The following RRP9 variants were observed in gnomAD, a reference collection of about 807,000 sequenced individuals.
RRP9 encodes U3 small nucleolar RNA-interacting protein 2.
Under a neutral mutation model 65.5 loss-of-function variants are expected in RRP9, and 35 were observed. The observed-to-expected ratio is 0.53, with a 90% CI of 0.41 to 0.71. RRP9 has a LOEUF of 0.71. RRP9 is among the 30% of genes least tolerant of loss of function. RRP9 has a pLI of 0.00. For synonymous variants in RRP9, 254 were observed against 245.0 expected (o/e 1.04, Z -0.34); for missense variants, 533 against 633.6 (o/e 0.84, Z 1.70).
chr3:51,933,578 G>C lies in RRP9; in HGVS notation c.1356C>G (p.Ile452Met), dbSNP rs1699415226. 6.2e-7 allele frequency: 1 copy of C among 1,614,108 alleles called. No individual in the cohort carries two copies. Among genetic ancestry groups the C allele is most frequent in the Non-Finnish European group, 8.5e-7 (1 of 1,179,992 alleles). ...QEHRLGRWWRIKEARNSVCII... is the reference protein window; with the variant it reads ...QEHRLGRWWRMKEARNSVCII... The stretch of plus-strand genomic sequence containing the variant: ...TGCAGACAGAATTCCGAGCCTCTTT[G>C]ATTCTCCACCATCGGCCAAGCCTGC... The change falls in exon 15 of 15, where the codon ATC (isoleucine) becomes ATG (methionine). Residue 452 changes from isoleucine to methionine, a missense_variant. This residue lies in a region of RRP9 where 449 missense variants were observed against 550.6 expected (regional missense o/e 0.82). Coordinates refer to ENST00000232888, the MANE Select transcript of RRP9 (RefSeq NM_004704.5).
chr3:51,936,550 C>A lies in RRP9; in HGVS notation c.523G>T (p.Val175Leu), dbSNP rs759528694. 1.2e-6 allele frequency: 2 copies of A among 1,613,922 alleles called. No individual in the cohort carries two copies. Among genetic ancestry groups the A allele is most frequent in the Non-Finnish European group, 1.7e-6 (2 of 1,179,964 alleles). The change falls in exon 7 of 15, where the codon GTG (valine) becomes TTG (leucine). Residue 175 changes from valine (V) to leucine (L), a missense_variant. Transcript: ENST00000232888. ...ACATGCAGCTTCCGTCCACTCTCCA[C>A]GCTCCCTGCAGTTGGGGGTGGGGGA... ...AKDCSIIKWS[V>L]ESGRKLHVIP... is the part of the protein sequence containing the mutation.
At position 51,934,487 on chromosome 3, in the gene RRP9, G is replaced by C; in HGVS notation, c.1245C>G (p.Leu415=). Reference sequence around the variant, plus strand: ...ACTCACTCACCAGGGGGATGTCACAGAGAAGGTCAAGCTGCCGGAAGCCTT... The same window carrying C: ...ACTCACTCACCAGGGGGATGTCACACAGAAGGTCAAGCTGCCGGAAGCCTT... ...CGEGFRQLDL[L]CDIPLVGFIN... is the part of the protein sequence containing the mutation. The change falls in exon 13 of 15, where the codon CTC becomes CTG. Residue 415 remains leucine (L), a synonymous_variant. Transcript: ENST00000232888. This position sits in a 1 kb window ranked among gnomAD's most constrained non-coding sequence, Gnocchi z 4.1. 1.9e-6 allele frequency: 3 copies of C among 1,613,834 alleles called. No individual in the cohort carries two copies. The highest frequency in any genetic ancestry group is 2.5e-6 in the Non-Finnish European group (3 of 1,179,802).
rs747187591 is a variant in RRP9, at chr3:51,937,621, C to G, written c.349-35G>C. On this transcript the variant is annotated intron_variant, in intron 4 of 14. Coordinates refer to ENST00000232888, the MANE Select transcript of RRP9 (RefSeq NM_004704.5). This position sits in a 1 kb window ranked among gnomAD's most constrained non-coding sequence, Gnocchi z 5.0. ...GAAGAGATGGATGAGACCCTGGGAG[C>G]AGATCAGCTCCACCCCCGTCCTCCC... 6.2e-7 allele frequency: 1 copy of G among 1,614,198 alleles called. No individual in the cohort carries two copies. The highest frequency in any genetic ancestry group is 8.5e-7 in the Non-Finnish European group (1 of 1,180,030).
intron 8 of RRP9, among the ~76,000 whole-genome samples, chr3:51,936,032 C>T (rs879696532): frequency 3.3e-5 from 5 of 152,264 alleles, no homozygotes; most frequent in South Asian, 2.1e-4. Flanking sequence ...CGCCCAGAGG[C>T]GGCTTCTCAA....
At chr3:51,940,979 C>T (rs771205761) in intron 2 of RRP9, among the ~76,000 whole-genome samples, 1 of 152,238 alleles carries the variant, frequency 6.6e-6, no homozygotes, top group Non-Finnish European at 1.5e-5. Context: ...AAAATACACA[C>T]CTCACTACAA....
In RRP9 at chr3:51,934,016, T is replaced by C. The variant is rs187866827; in HGVS notation, c.1261-235A>G. On this transcript the variant is annotated intron_variant, in intron 13 of 14. Transcript: ENST00000232888. The surrounding 1 kb of genome is among the most constrained non-coding windows in gnomAD (Gnocchi z 4.1). The stretch of plus-strand genomic sequence containing the variant: ...GAGTTTGTGAGGATGAAGGAGGCAG[T>C]GTACACCCAGTATGGCCTGAGGCTG... Among the ~76,000 whole-genome samples the C allele has an allele frequency of 3.6e-4, 55 of 152,262 alleles. No individual in the cohort carries two copies. In the Middle Eastern group the frequency reaches 0.01, roughly 28 times the overall value.
At chr3:51,940,297 A>G (rs1432706893) in intron 2 of RRP9, among the ~76,000 whole-genome samples, 1 of 152,108 alleles carries the variant, frequency 6.6e-6, no homozygotes, top group East Asian at 1.9e-4. Context: ...TGAGCAAATT[A>G]AGGCAACACA....
At position 51,934,832 on chromosome 3, in the gene RRP9, T is replaced by G; in HGVS notation, c.1035-56A>C. 6.4e-7 allele frequency: 1 copy of G among 1,562,702 alleles called. No homozygotes were observed. Among genetic ancestry groups the G allele is most frequent in the Non-Finnish European group, 8.7e-7 (1 of 1,146,738 alleles). On this transcript the variant is annotated intron_variant, in intron 11 of 14. Coordinates refer to ENST00000232888, the MANE Select transcript of RRP9 (RefSeq NM_004704.5). The surrounding 1 kb of genome is among the most constrained non-coding windows in gnomAD (Gnocchi z 4.1). Reference sequence around the variant, plus strand: ...GGGGCCAGAGGCAGAAAAGGCCCCCTGTGTAACACAAAGGATTAATGCTTG... The same window carrying G: ...GGGGCCAGAGGCAGAAAAGGCCCCCGGTGTAACACAAAGGATTAATGCTTG...
rs1258958736 is a variant in RRP9, at chr3:51,941,559, C to CCG, written c.88-69_88-68insCG. The CCG allele has an allele frequency of 4.9e-6, 7 of 1,432,426 alleles. No homozygotes were observed. The African/African-American group carries it at 9.9e-5, about 20-fold the overall frequency. The allele number at this position is 1,432,426 out of a possible 1,614,324, so 88.7% of individuals were successfully genotyped here. On this transcript the variant is annotated intron_variant, in intron 1 of 14. Transcript: ENST00000232888. ...ACCCTGGCATTGACCAAGGGCCCCC[C>CCG]CCCCTCGGTTCCCTCAGAACCCCAG...
At chr3:51,935,096 G>C (rs11709032) in intron 11 of RRP9, 101 bp downstream of exon 11, 130 of 1,271,144 alleles carry the variant, frequency 1.0e-4, no homozygotes, top group Non-Finnish European at 1.4e-4. Flanking sequence ...GGTTACAACA[G>C]CTCCCCCACT....
In RRP9 at chr3:51,936,435, T is replaced by C. The variant is rs766200753; in HGVS notation, c.638A>G (p.Tyr213Cys). The change falls in exon 7 of 15, where the codon TAC becomes TGC. Residue 213 changes from tyrosine to cysteine, a missense_variant. Physicochemically the swap from Tyr to Cys is radical, Grantham distance 194. Around this residue, in one of 3 missense-constraint regions of RRP9, gnomAD observed 449 missense variants for 550.6 expected, o/e 0.82. Coordinates refer to ENST00000232888, the MANE Select transcript of RRP9 (RefSeq NM_004704.5). The stretch of plus-strand genomic sequence containing the variant: ...CCAGGGCCAACCTGGCCTTACAAGG[T>C]ACTTGCCGTCGGAGGAGATGGCCAT... ...LCMAISSDGK[Y>C]LASGDRSKLI... The C allele has an allele frequency of 1.9e-6, 3 of 1,614,214 alleles. No individual in the cohort carries two copies. Among genetic ancestry groups the C allele is most frequent in the Non-Finnish European group, 2.5e-6 (3 of 1,180,030 alleles).
chr3:51,941,560 C>CCT, intron 1 of RRP9, 69 bp from the exon 2 acceptor site: 2 of 1,415,354 alleles, frequency 1.4e-6, no homozygotes, highest in African/African-American at 2.8e-5. Context: ...AGGGCCCCCC[C>CCT]CCCTCGGTTC....
chr3:51,936,782 G>A (rs1468013561), intron 6 of RRP9, among the ~76,000 whole-genome samples: 1 of 152,328 alleles, frequency 6.6e-6, no homozygotes, highest in East Asian at 1.9e-4. Flanking sequence ...AAAGAGAAGG[G>A]ATGTAAAAGG....
chr3:51,941,896 G>C lies in RRP9; in HGVS notation c.-29C>G. On this transcript the variant is annotated 5_prime_UTR_variant, in exon 1 of 15. Coordinates refer to ENST00000232888, the MANE Select transcript of RRP9 (RefSeq NM_004704.5). ...GCCCACCAGGCGTGTAGCAGCGGCC[G>C]CAGAACTCACGTGGCAGCTGAACCC... 6.5e-7 allele frequency: 1 copy of C among 1,545,008 alleles called. No homozygotes were observed. The highest frequency in any genetic ancestry group is 1.2e-5 in the South Asian group (1 of 84,698).
rs749582379 is a variant in RRP9 at position 51,938,149 on chromosome 3, G to T, written c.226C>A (p.Gln76Lys). ...TTGGCCAAGCGCAGCTTCTTTTCCTGTGCAGTTTCCTCCAGCTCCTCCTCC... is the reference window on the plus strand; with the variant it reads ...TTGGCCAAGCGCAGCTTCTTTTCCTTTGCAGTTTCCTCCAGCTCCTCCTCC... ...EEEEELEETA[Q>K]EKKLRLAKLY... Residue 76 changes from glutamine to lysine, a missense_variant, in exon 3 of 15, where the codon CAG (glutamine) becomes AAG (lysine). Transcript: ENST00000232888. 1.2e-6 allele frequency: 2 copies of T among 1,605,534 alleles called. No individual in the cohort carries two copies. The highest frequency in any genetic ancestry group is 2.2e-5 in the South Asian group (2 of 90,258).
Position 51,937,967 on chromosome 3 carries a change from C to T in RRP9, c.280+128G>A. ...CTGGCCACCCCCACAGGGCAGCCAG[C>T]ACTGACAGCCTGGGCACCCACTGGG... On this transcript the variant is annotated intron_variant, in intron 3 of 14. Coordinates refer to ENST00000232888, the MANE Select transcript of RRP9 (RefSeq NM_004704.5). The surrounding 1 kb of genome is among the most constrained non-coding windows in gnomAD (Gnocchi z 5.0). The T allele has an allele frequency of 1.0e-6, 1 of 969,452 alleles. No individual in the cohort carries two copies. Among genetic ancestry groups the T allele is most frequent in the Non-Finnish European group, 1.5e-6 (1 of 649,774 alleles). 60.1% of individuals were successfully genotyped at this position (969,452 alleles called of 1,614,324 possible).
In RRP9 at chr3:51,935,313, G is replaced by GC. The variant is rs200150039; in HGVS notation, c.971+28dup. On this transcript the variant is annotated intron_variant, in intron 10 of 14. Transcript: ENST00000232888. ...CCCAAGCCCACCCCCAGCCCATGTA[G>GC]CCCCCACTGGCATGGCAGGCCACCT... The GC allele has an allele frequency of 5.8e-3, 9,353 of 1,614,088 alleles. 203 individuals carry two copies. The highest frequency in any genetic ancestry group is 3.7e-3 in the Non-Finnish European group (4,377 of 1,179,966).
At chr3:51,935,048 C>T in intron 11 of RRP9, 149 bp downstream of exon 11, 1 of 874,250 alleles carries the variant, frequency 1.1e-6, no homozygotes. Flanking sequence ...ACAAGGCCAT[C>T]TGAGCTCTCT....
In RRP9 at chr3:51,937,817, A is replaced by G; in HGVS notation, c.281-81T>C. The G allele has an allele frequency of 1.3e-6, 2 of 1,523,374 alleles. No homozygotes were observed. Among genetic ancestry groups the G allele is most frequent in the Non-Finnish European group, 1.8e-6 (2 of 1,108,472 alleles). 94.4% of individuals were successfully genotyped at this position (1,523,374 alleles called of 1,614,324 possible). ...CATCCTGTCCCCATCCCACTGCCCC[A>G]GGGCTGGATAATGCAGGAAGCTCCA... On this transcript the variant is annotated intron_variant, in intron 3 of 14. Transcript: ENST00000232888. This position sits in a 1 kb window ranked among gnomAD's most constrained non-coding sequence, Gnocchi z 5.0.
Sources: allele counts gnomAD v4.1 joint callset (sites outside exome capture counted in the v4.1 genomes callset), GRCh38; gene constraint gnomAD v4.1.1; regional missense constraint gnomAD v4.1.1; non-coding constraint Gnocchi (gnomAD v3.1); transcripts MANE v1.5; gene names NCBI Gene and HGNC (gene_info 2026-07-23, HGNC 2026-07-21).